Variants in CACNB4 observed in about 807,000 individuals in gnomAD.
The protein encoded by CACNB4 is voltage-dependent L-type calcium channel subunit beta-4.
CACNB4 carries 32 observed loss-of-function variants against 71.2 expected under a neutral mutation model. The ratio of observed to expected loss-of-function variants is 0.45; its 90% CI spans 0.34 to 0.60. The LOEUF is 0.60. Among genes scored for constraint, CACNB4 ranks in the 20% least tolerant of loss-of-function variants. The pLI is 0.01. For missense variants in CACNB4, 464 were observed against 647.9 expected, an observed-to-expected ratio of 0.72 and a Z score of 3.08; for synonymous variants, 231 against 236.9, an observed-to-expected ratio of 0.97 and a Z score of 0.23.
intron 2 of CACNB4, among the ~76,000 whole-genome samples, chr2:151,921,629 T>C (rs918250033): frequency 1.3e-5 from 2 of 152,216 alleles, no homozygotes; most frequent in African/African-American, 4.8e-5. Flanking sequence ...CCTTGGCTCA[T>C]AGGCCCCTTC....
chr2:151,979,526 T>C (rs1204074318), intron 2 of CACNB4, among the ~76,000 whole-genome samples: 2 of 152,112 alleles, frequency 1.3e-5, no homozygotes, highest in Admixed American at 6.5e-5. Flanking sequence ...TCATGAATGC[T>C]ACCCAACTTT....
At chr2:151,906,137 G>C (rs550157231) in intron 2 of CACNB4, among the ~76,000 whole-genome samples, 2 of 152,196 alleles carry the variant, frequency 1.3e-5, no homozygotes, top group South Asian at 2.1e-4. Flanking sequence ...TCTCCAAAAA[G>C]TTGAGGGACG....
chr2:151,970,147 A>AC (rs2099872139), intron 2 of CACNB4: 1 of 152,226 alleles, frequency 6.6e-6, no homozygotes, highest in Admixed American at 6.5e-5. Context: ...CAGAAGGTCC[A>AC]TGTAGGAGCT....
In CACNB4 at chr2:151,853,532, C is replaced by T; in HGVS notation, c.1032G>A (p.Arg344=). The T allele has an allele frequency of 6.3e-7, 1 of 1,586,442 alleles. No individual in the cohort carries two copies. Among genetic ancestry groups the T allele is most frequent in the Non-Finnish European group, 8.6e-7 (1 of 1,164,798 alleles). ...GTGACTTTCCTCTAGATTTAATCAACCGCTGTAAAACCTGATAGAAGAAGA... is the reference window on the plus strand; with the variant it reads ...GTGACTTTCCTCTAGATTTAATCAATCGCTGTAAAACCTGATAGAAGAAGA... The part of the protein sequence containing the change: ...VKVSSPKVLQ[R]LIKSRGKSQS... The change falls in exon 12 of 14, where the codon CGG becomes CGA. Residue 344 remains arginine, a synonymous_variant. Transcript: ENST00000539935.
At position 151,875,236 on chromosome 2, in the gene CACNB4, A is replaced by G. The variant is rs201725162; in HGVS notation, c.521+1190T>C. The stretch of plus-strand genomic sequence containing the variant: ...CCTTCAAGCATCTGTTTAACAAAGC[A>G]CATCTTGCACCGCCCTTAATCCATT... On this transcript the variant is annotated intron_variant, in intron 5 of 13. Transcript: ENST00000539935. Among the ~76,000 whole-genome samples the G allele has an allele frequency of 1.8e-4, 27 of 148,116 alleles. No homozygotes were observed. In the East Asian group the frequency reaches 4.5e-3, roughly 25 times the overall value.
At chr2:151,870,666 C>T in intron 7 of CACNB4, 55 bp from the exon 8 acceptor site, 2 of 1,385,092 alleles carry the variant, frequency 1.4e-6, no homozygotes, top group Non-Finnish European at 1.0e-6. Flanking sequence ...TGCCTCTCCA[C>T]AGCCACAACA....
intron 2 of CACNB4, among the ~76,000 whole-genome samples, chr2:152,016,535 A>G (rs1683354963): frequency 6.6e-6 from 1 of 152,210 alleles, no homozygotes; most frequent in Admixed American, 6.5e-5. Context: ...AGGCTAAACC[A>G]ATCTATTAAA....
At chr2:151,869,271 A>C in intron 8 of CACNB4, 36 bp from the exon 9 acceptor site, 1 of 1,267,126 alleles carries the variant, frequency 7.9e-7, no homozygotes, top group Non-Finnish European at 1.1e-6. Flanking sequence ...TGAGGCAAAC[A>C]CATGCAGAGA....
At chr2:151,887,346 T>C (rs1422128892) in intron 2 of CACNB4, among the ~76,000 whole-genome samples, 1 of 151,546 alleles carries the variant, frequency 6.6e-6, no homozygotes, top group African/African-American at 2.4e-5. Context: ...CTGCAAGTCA[T>C]ACCATGTAGT....
intron 2 of CACNB4, among the ~76,000 whole-genome samples, chr2:151,888,493 G>T (rs1259801756): frequency 2.0e-5 from 3 of 152,168 alleles, no homozygotes; most frequent in African/African-American, 7.2e-5. Flanking sequence ...TTGAGCCCGG[G>T]AGGTGGAGGC....
chr2:151,880,626 G>A, intron 4 of CACNB4, 174 bp downstream of exon 4: 1 of 650,806 alleles, frequency 1.5e-6, no homozygotes, highest in Non-Finnish European at 2.7e-6. Context: ...TGCAAGCAAT[G>A]ATCTCAGACT....
In CACNB4 at chr2:151,834,441, TC is replaced by T. The variant is rs1226116546; in HGVS notation, c.*4677del. 6.6e-6 allele frequency: 1 copy of T among 152,008 alleles called. No homozygotes were observed. Among genetic ancestry groups the T allele is most frequent in the East Asian group, 1.9e-4 (1 of 5,204 alleles). The allele number at this position is 152,008 out of a possible 1,614,324, so 9.4% of individuals were successfully genotyped here. Reference sequence around the variant, plus strand: ...CTTAGGATTATCTGATGAGATACTTTCTAGTCTTCTCATAATGTCCCTCAAT... The same window carrying T: ...CTTAGGATTATCTGATGAGATACTTTTAGTCTTCTCATAATGTCCCTCAAT... On this transcript the variant is annotated 3_prime_UTR_variant, in exon 14 of 14. Transcript: ENST00000539935.
At chr2:152,054,195 G>A (rs1000573862) in intron 2 of CACNB4, among the ~76,000 whole-genome samples, 23 of 151,400 alleles carry the variant, frequency 1.5e-4, no homozygotes, top group Non-Finnish European at 3.1e-4. Context: ...GTGAAACCCC[G>A]TCTCTACTAA....
chr2:152,005,485 A>T (rs1682669552), intron 2 of CACNB4, among the ~76,000 whole-genome samples: 1 of 152,210 alleles, frequency 6.6e-6, no homozygotes, highest in Non-Finnish European at 1.5e-5. Flanking sequence ...TCACACAGAC[A>T]TAAAGATGGG....
chr2:151,954,353 C>T (rs909750177), intron 2 of CACNB4, among the ~76,000 whole-genome samples: 1 of 152,204 alleles, frequency 6.6e-6, no homozygotes, highest in African/African-American at 2.4e-5. Flanking sequence ...TCATAAGCAG[C>T]TCATAAAGAA....
intron 2 of CACNB4, among the ~76,000 whole-genome samples, chr2:152,062,551 T>C (rs530300744): frequency 6.6e-5 from 10 of 152,116 alleles, no homozygotes; most frequent in African/African-American, 9.7e-5. Flanking sequence ...ATACACAGAA[T>C]GGGCAAGATC....
intron 12 of CACNB4, chr2:151,850,143 T>TTCTTTC (rs1465605432): frequency 8.0e-6 from 1 of 125,264 alleles, no homozygotes; most frequent in African/African-American, 3.2e-5. Context: ...CTTTCTTTCT[T>TTCTTTC]TTTTTTTTTT....
chr2:151,904,877 T>C (rs2099854403), intron 2 of CACNB4, among the ~76,000 whole-genome samples: 1 of 152,234 alleles, frequency 6.6e-6, no homozygotes, highest in South Asian at 2.1e-4. Flanking sequence ...ATACAGTCCA[T>C]TTATTTGGCT....
intron 2 of CACNB4, among the ~76,000 whole-genome samples, chr2:151,914,120 G>GT (rs143766163): frequency 0.02 from 3,057 of 152,208 alleles, 99 homozygotes; most frequent in African/African-American, 0.07. Flanking sequence ...CCAATCAATT[G>GT]TAAGTTTGGT....
Sources: allele counts gnomAD v4.1 joint callset (sites outside exome capture counted in the v4.1 genomes callset), GRCh38; gene constraint gnomAD v4.1.1; transcripts MANE v1.5; gene names NCBI Gene and HGNC (gene_info 2026-07-23, HGNC 2026-07-21).